The following BMPER variants were observed in gnomAD, a reference collection of about 807,000 sequenced individuals.
BMPER encodes BMP binding endothelial regulator.
A neutral mutation model predicts 87.3 loss-of-function variants in BMPER; 45 were observed. The observed-to-expected ratio is 0.52, with a 90% CI of 0.41 to 0.66. The LOEUF (loss-of-function observed/expected upper bound fraction) is 0.66. BMPER is among the 30% of genes least tolerant of loss of function. BMPER has a pLI of 0.00. For missense variants in BMPER, 784 were observed against 867.5 expected (o/e 0.90, Z 1.21); for synonymous variants, 326 against 316.2 (o/e 1.03, Z -0.33).
At chr7:33,976,016 A>G (rs1785678284) in intron 6 of BMPER, among the ~76,000 whole-genome samples, 1 of 152,186 alleles carries the variant, frequency 6.6e-6, no homozygotes, top group Non-Finnish European at 1.5e-5. Context: ...TGTAATATAC[A>G]TAATATACAT....
At chr7:34,075,010 A>ATT (rs34665381) in intron 11 of BMPER, among the ~76,000 whole-genome samples, 9 of 148,900 alleles carry the variant, frequency 6.0e-5, no homozygotes, top group East Asian at 4.0e-4. Flanking sequence ...AGTTTCTCTT[A>ATT]TTTTTTTTTT....
At chr7:34,151,145 G>C (rs1402972248) in intron 14 of BMPER, among the ~76,000 whole-genome samples, 3 of 152,164 alleles carry the variant, frequency 2.0e-5, no homozygotes, top group Admixed American at 2.0e-4. Context: ...GTAGAGAAGA[G>C]CAAGGGCACA....
chr7:33,981,815 G>T (rs1449399623), intron 6 of BMPER, among the ~76,000 whole-genome samples: 1 of 152,186 alleles, frequency 6.6e-6, no homozygotes, highest in African/African-American at 2.4e-5. Context: ...ATTCATTTCA[G>T]CTGCTGTAGA....
chr7:34,056,191 G>A (rs527511993), intron 9 of BMPER, among the ~76,000 whole-genome samples: 3 of 152,288 alleles, frequency 2.0e-5, no homozygotes, highest in East Asian at 3.9e-4. Flanking sequence ...CAAATGATGG[G>A]ATCATGTGGA....
intron 6 of BMPER, among the ~76,000 whole-genome samples, chr7:33,983,310 T>TAA (rs1415313986): frequency 1.3e-5 from 2 of 152,144 alleles, no homozygotes; most frequent in African/African-American, 4.8e-5. Flanking sequence ...AAATATTCTG[T>TAA]AAAGCTATTT....
At chr7:34,107,301 G>A (rs1265906763) in intron 13 of BMPER, among the ~76,000 whole-genome samples, 1 of 152,170 alleles carries the variant, frequency 6.6e-6, no homozygotes, top group African/African-American at 2.4e-5. Flanking sequence ...AGAAACTATG[G>A]GTGTGGCAAC....
chr7:33,952,680 A>T (rs1785054407), intron 3 of BMPER, among the ~76,000 whole-genome samples: 1 of 152,210 alleles, frequency 6.6e-6, no homozygotes. Flanking sequence ...TTGTTATTTT[A>T]AAAATGATCA....
intron 3 of BMPER, among the ~76,000 whole-genome samples, chr7:33,957,259 T>C (rs1785168573): frequency 2.0e-5 from 3 of 151,700 alleles, no homozygotes; most frequent in South Asian, 2.1e-4. Flanking sequence ...AGGAATGATA[T>C]GGATACTCAG....
chr7:33,909,971 T>C (rs970722826), intron 2 of BMPER, among the ~76,000 whole-genome samples: 1 of 152,230 alleles, frequency 6.6e-6, no homozygotes, highest in African/African-American at 2.4e-5. Flanking sequence ...ATCCTCTGCG[T>C]AGACCTGAGC....
chr7:33,992,148 C>G (rs1168841326), intron 6 of BMPER, among the ~76,000 whole-genome samples: 1 of 151,094 alleles, frequency 6.6e-6, no homozygotes, highest in Non-Finnish European at 1.5e-5. Flanking sequence ...TGGTGCAGAG[C>G]TGAGTTCAAT....
intron 13 of BMPER, among the ~76,000 whole-genome samples, chr7:34,109,250 G>A (rs1299635554): frequency 6.6e-6 from 1 of 152,216 alleles, no homozygotes; most frequent in Non-Finnish European, 1.5e-5. Flanking sequence ...CAAAAAGCCA[G>A]TGTCTCAGCT....
intron 1 of BMPER, among the ~76,000 whole-genome samples, chr7:33,906,079 C>T (rs1783809385): frequency 6.6e-6 from 1 of 152,226 alleles, no homozygotes; most frequent in South Asian, 2.1e-4. Context: ...GTGCAGTTTT[C>T]CGCACATCTT....
At chr7:33,913,403 T>A (rs957464065) in intron 2 of BMPER, among the ~76,000 whole-genome samples, 13 of 152,092 alleles carry the variant, frequency 8.5e-5, no homozygotes, top group African/African-American at 3.1e-4. Context: ...ATAAAATAAA[T>A]TTTATATAAA....
chr7:34,049,426 A>G (rs1330047773), intron 7 of BMPER, among the ~76,000 whole-genome samples: 2 of 152,178 alleles, frequency 1.3e-5, no homozygotes, highest in African/African-American at 4.8e-5. Flanking sequence ...CAATCAGTCA[A>G]TAAATCAATT....
intron 6 of BMPER, among the ~76,000 whole-genome samples, chr7:34,024,564 T>C (rs78790630): frequency 0.017 from 2,591 of 150,384 alleles, 87 homozygotes; most frequent in African/African-American, 0.06. Context: ...CCAATTCCAA[T>C]GCTTTTAGCT....
At chr7:34,014,322 G>T (rs980418033) in intron 6 of BMPER, among the ~76,000 whole-genome samples, 2 of 151,958 alleles carry the variant, frequency 1.3e-5, no homozygotes, top group Admixed American at 1.3e-4. Flanking sequence ...AGTGAGGTCA[G>T]AGATGTGGAG....
rs1562718467 is a variant in BMPER, at chr7:34,062,010, T to C, written c.1041T>C (p.Ile347=). 1.9e-6 allele frequency: 3 copies of C among 1,609,026 alleles called. No individual in the cohort carries two copies. Among genetic ancestry groups the C allele is most frequent in the Middle Eastern group, 1.8e-4 (1 of 5,668 alleles). The part of the protein sequence containing the change: ...IPISSCPQGK[I]LNRKGCCPIC... ...GTTTTTCTTCTGATTAGGGCAAAAT[T>C]CTCAACAGAAAAGGATGCTGTCCTA... The change falls in exon 11 of 15, where the codon ATT becomes ATC. Residue 347 remains isoleucine, a synonymous_variant. Transcript: ENST00000649409.
At chr7:33,979,478 T>G (rs1422121498) in intron 6 of BMPER, among the ~76,000 whole-genome samples, 3 of 152,024 alleles carry the variant, frequency 2.0e-5, no homozygotes, top group Admixed American at 6.6e-5. Flanking sequence ...CCTCTGTGCT[T>G]AGCACCACTG....
intron 13 of BMPER, among the ~76,000 whole-genome samples, chr7:34,138,847 G>T (rs1471067327): frequency 1.3e-5 from 2 of 152,150 alleles, no homozygotes; most frequent in African/African-American, 4.8e-5. Context: ...GAACATAAAT[G>T]TGACAGAACA....
Sources: allele counts gnomAD v4.1 joint callset (sites outside exome capture counted in the v4.1 genomes callset), GRCh38; gene constraint gnomAD v4.1.1; transcripts MANE v1.5; gene names NCBI Gene and HGNC (gene_info 2026-07-23, HGNC 2026-07-21).